Variants in DNM3 observed in about 807,000 individuals in gnomAD.
The protein encoded by DNM3 is dynamin-3.
Under a neutral mutation model 101.6 loss-of-function variants are expected in DNM3, and 47 were observed. The ratio of observed to expected loss-of-function variants is 0.46; its 90% CI spans 0.37 to 0.59. The LOEUF (loss-of-function observed/expected upper bound fraction) is 0.59, where lower values mean the gene tolerates loss of function less well. Ranked by LOEUF, DNM3 falls within the 20% of genes least tolerant of loss-of-function variation. The pLI, the probability that DNM3 is intolerant of heterozygous loss-of-function variation, is 0.00. For missense variants in DNM3, 849 were observed against 1,085.7 expected, an observed-to-expected ratio of 0.78 and a Z score of 3.06; for synonymous variants, 385 against 387.9, an observed-to-expected ratio of 0.99 and a Z score of 0.09.
chr1:172,224,527 C>T (rs1300787932), intron 14 of DNM3, among the ~76,000 whole-genome samples: 2 of 151,748 alleles, frequency 1.3e-5, no homozygotes, highest in African/African-American at 2.4e-5. Context: ...TAAATTGACC[C>T]GAGGGAAGCA....
intron 16 of DNM3, among the ~76,000 whole-genome samples, chr1:172,316,973 G>T (rs1349041973): frequency 6.6e-6 from 1 of 152,040 alleles, no homozygotes; most frequent in Admixed American, 6.5e-5. Context: ...TTCCAAAATT[G>T]ACCACATACT....
chr1:171,916,928 T>C (rs937877076), intron 1 of DNM3, among the ~76,000 whole-genome samples: 7 of 152,226 alleles, frequency 4.6e-5, no homozygotes, highest in Admixed American at 2.6e-4. Context: ...TGATTTTCTG[T>C]GGAATGCCTC....
intron 1 of DNM3, among the ~76,000 whole-genome samples, chr1:171,863,678 G>T (rs1036072573): frequency 7.2e-5 from 11 of 152,070 alleles, no homozygotes; most frequent in African/African-American, 2.7e-4. Context: ...CTATGCACTG[G>T]GGTGTGCAGT....
chr1:172,394,893 C>G (rs1037441703), intron 20 of DNM3, among the ~76,000 whole-genome samples: 3 of 152,124 alleles, frequency 2.0e-5, no homozygotes, highest in Non-Finnish European at 1.5e-5. Context: ...AAAAGTTTTG[C>G]CCAGTGTAAG....
At chr1:172,326,180 G>A (rs1437286415) in intron 17 of DNM3, among the ~76,000 whole-genome samples, 2 of 152,178 alleles carry the variant, frequency 1.3e-5, no homozygotes, top group East Asian at 1.9e-4. Context: ...ACAATCATAT[G>A]TATGTTGTTA....
chr1:171,887,327 T>A (rs2036865519), intron 1 of DNM3, among the ~76,000 whole-genome samples: 1 of 152,226 alleles, frequency 6.6e-6, no homozygotes, highest in Admixed American at 6.5e-5. Flanking sequence ...CCAAGACTGT[T>A]CCCCTGAACT....
At chr1:172,213,236 CA>C (rs1256335013) in intron 14 of DNM3, among the ~76,000 whole-genome samples, 1 of 150,006 alleles carries the variant, frequency 6.7e-6, no homozygotes, top group Non-Finnish European at 1.5e-5. Flanking sequence ...TGCTTCTGGC[CA>C]ATAGACCTAG....
intron 14 of DNM3, among the ~76,000 whole-genome samples, chr1:172,198,082 T>A (rs1200782425): frequency 6.6e-6 from 1 of 152,124 alleles, no homozygotes; most frequent in Non-Finnish European, 1.5e-5. Context: ...GGTATGTCCT[T>A]CAATGCCTAG....
chr1:172,068,712 C>T, intron 10 of DNM3, 107 bp from the exon 11 acceptor site: 1 of 987,332 alleles, frequency 1.0e-6, no homozygotes, highest in South Asian at 1.5e-5. Flanking sequence ...TTTTTGCTTC[C>T]AGAATGGCAA....
At chr1:172,135,236 C>G (rs1464914265) in intron 14 of DNM3, among the ~76,000 whole-genome samples, 3 of 152,056 alleles carry the variant, frequency 2.0e-5, no homozygotes, top group Non-Finnish European at 4.4e-5. Context: ...CCTCTTGAGA[C>G]CAGGAGACAT....
chr1:172,252,681 T>C (rs1451487272), intron 14 of DNM3, among the ~76,000 whole-genome samples: 1 of 152,086 alleles, frequency 6.6e-6, no homozygotes, highest in Non-Finnish European at 1.5e-5. Flanking sequence ...GTTTCTTAAA[T>C]TGAGTATTTG....
At chr1:172,354,106 T>TGAGAGAGAGAGAGAGA (rs1261996806) in intron 17 of DNM3, among the ~76,000 whole-genome samples, 3 of 26,434 alleles carry the variant, frequency 1.1e-4, no homozygotes, top group Non-Finnish European at 1.9e-4. Flanking sequence ...TGTGTGTGTG[T>TGAGAGAGAGAGAGAGA]GTGTGTGAGA....
chr1:172,324,281 G>A (rs2065852555), intron 17 of DNM3, among the ~76,000 whole-genome samples: 1 of 152,126 alleles, frequency 6.6e-6, no homozygotes, highest in Non-Finnish European at 1.5e-5. Flanking sequence ...TTATATAAGA[G>A]TTGGCCGGCA....
At position 172,073,466 on chromosome 1, in the gene DNM3, C is replaced by T. The variant is rs1011246113; in HGVS notation, c.1422+4561C>T. Among the ~76,000 whole-genome samples, 3 of 152,090 alleles carry T rather than the reference C, an allele frequency of 2.0e-5. 1 individual carries two copies. The highest frequency in any genetic ancestry group is 6.8e-3 in the Middle Eastern group (2 of 294). Reference sequence around the variant, plus strand: ...ACGTATACATAATTTTATACATATACATAATTTTCTGTATGTATATAATTA... The same window carrying T: ...ACGTATACATAATTTTATACATATATATAATTTTCTGTATGTATATAATTA... On this transcript the variant is annotated intron_variant, in intron 11 of 20. Coordinates refer to ENST00000627582, the MANE Select transcript of DNM3 (RefSeq NM_015569.5).
At chr1:171,978,286 C>T (rs2044530057) in intron 2 of DNM3, among the ~76,000 whole-genome samples, 1 of 152,148 alleles carries the variant, frequency 6.6e-6, no homozygotes, top group Non-Finnish European at 1.5e-5. Flanking sequence ...TTAAGAGATG[C>T]TACTTACTTT....
chr1:171,863,886 GA>G (rs1233703851), intron 1 of DNM3, among the ~76,000 whole-genome samples: 3 of 152,182 alleles, frequency 2.0e-5, no homozygotes, highest in Non-Finnish European at 4.4e-5. Context: ...AGTGTGTGTT[GA>G]AAGACTGGAG....
intron 1 of DNM3, among the ~76,000 whole-genome samples, chr1:171,904,095 C>T (rs917309706): frequency 6.6e-6 from 1 of 151,552 alleles, no homozygotes; most frequent in African/African-American, 2.4e-5. Flanking sequence ...ATCTCTTGAG[C>T]CCAGGAGTTT....
chr1:172,091,214 A>C (rs1289670917), intron 12 of DNM3, among the ~76,000 whole-genome samples: 1 of 152,226 alleles, frequency 6.6e-6, no homozygotes, highest in Non-Finnish European at 1.5e-5. Flanking sequence ...ACCATGTGCC[A>C]TGTCCTTTGC....
intron 11 of DNM3, among the ~76,000 whole-genome samples, chr1:172,073,476 T>A (rs922042480): frequency 6.6e-6 from 1 of 152,222 alleles, no homozygotes; most frequent in Non-Finnish European, 1.5e-5. Context: ...CATAATTTTC[T>A]GTATGTATAT....
Sources: allele counts gnomAD v4.1 joint callset (sites outside exome capture counted in the v4.1 genomes callset), GRCh38; gene constraint gnomAD v4.1.1; transcripts MANE v1.5; gene names NCBI Gene and HGNC (gene_info 2026-07-23, HGNC 2026-07-21).